SPOCK1: variants seen among roughly 807,000 people sequenced by gnomAD.
SPOCK1 encodes testican-1.
SPOCK1 carries 23 observed loss-of-function variants against 55.3 expected under a neutral mutation model. The observed-to-expected ratio is 0.42, with a 90% confidence interval of 0.30 to 0.59. The LOEUF is 0.59. Among genes scored for constraint, SPOCK1 ranks in the 20% least tolerant of loss-of-function variants. The probability of loss-of-function intolerance (pLI) is 0.22; values close to 1 mark genes in which losing one functional copy is unlikely to be tolerated. For synonymous variants in SPOCK1, 226 were observed against 221.0 expected (o/e 1.02, Z -0.20); for missense variants, 499 against 552.5 (o/e 0.90, Z 0.97).
At chr5:137,355,109 C>T (rs1750763729) in intron 2 of SPOCK1, among the ~76,000 whole-genome samples, 1 of 151,924 alleles carries the variant, frequency 6.6e-6, no homozygotes, top group Admixed American at 6.6e-5. Flanking sequence ...CACCATGTTG[C>T]CCAGGCTGGT....
intron 3 of SPOCK1, among the ~76,000 whole-genome samples, chr5:137,174,428 G>A (rs60606770): frequency 0.044 from 6,710 of 152,186 alleles, 499 homozygotes; most frequent in African/African-American, 0.15. Flanking sequence ...CTTTCCCTGA[G>A]GCTACAATTC....
chr5:137,464,007 T>G (rs1405971057), intron 2 of SPOCK1, among the ~76,000 whole-genome samples: 2 of 147,762 alleles, frequency 1.4e-5, no homozygotes, highest in African/African-American at 2.5e-5. Context: ...AAAGGATAAA[T>G]GCTTGAGAGG....
In SPOCK1 at chr5:137,140,678, C is replaced by T; in HGVS notation, c.249G>A (p.Lys83=). 6.2e-7 allele frequency: 1 copy of T among 1,612,906 alleles called. No individual in the cohort carries two copies. The highest frequency in any genetic ancestry group is 8.5e-7 in the Non-Finnish European group (1 of 1,179,574). ...KPFDQALDPS[K]DPCLKVKCSP... ...TGCATTTTACCTTCAGGCAGGGGTC[C>T]TTGGATGGGTCCAGGGCTGAGGCAA... The change falls in exon 4 of 11, where the codon AAG becomes AAA. Residue 83 remains lysine, a synonymous_variant. Coordinates refer to ENST00000394945, the MANE Select transcript of SPOCK1 (RefSeq NM_004598.4).
At chr5:137,282,641 G>C (rs996637975) in intron 2 of SPOCK1, among the ~76,000 whole-genome samples, 1 of 152,228 alleles carries the variant, frequency 6.6e-6, no homozygotes, top group Non-Finnish European at 1.5e-5. Context: ...GCCATTAAAG[G>C]TCCCTTCCTT....
chr5:137,425,541 C>T (rs1315348100), intron 2 of SPOCK1, among the ~76,000 whole-genome samples: 1 of 152,112 alleles, frequency 6.6e-6, no homozygotes, highest in East Asian at 1.9e-4. Flanking sequence ...TATAACACAG[C>T]ACTACAAAGA....
At chr5:137,094,642 T>C (rs1753109180) in intron 5 of SPOCK1, among the ~76,000 whole-genome samples, 1 of 152,190 alleles carries the variant, frequency 6.6e-6, no homozygotes. Flanking sequence ...TGGAGGGTCT[T>C]GCCCTGATAT....
At chr5:137,302,927 G>A (rs1005609738) in intron 2 of SPOCK1, among the ~76,000 whole-genome samples, 1 of 152,174 alleles carries the variant, frequency 6.6e-6, no homozygotes, top group African/African-American at 2.4e-5. Flanking sequence ...GCACAAAGTA[G>A]GGACTCAATA....
At chr5:137,443,220 T>G (rs1561537090) in intron 2 of SPOCK1, among the ~76,000 whole-genome samples, 3 of 152,180 alleles carry the variant, frequency 2.0e-5, no homozygotes, top group Admixed American at 6.5e-5. Flanking sequence ...GTTGCAGATT[T>G]ACAAAGTGAG....
intron 5 of SPOCK1, among the ~76,000 whole-genome samples, chr5:137,074,836 C>T (rs1434033383): frequency 6.6e-6 from 1 of 152,166 alleles, no homozygotes; most frequent in East Asian, 1.9e-4. Flanking sequence ...TCCCGAGTAG[C>T]TGGGACTACA....
chr5:137,114,027 T>A (rs993170910), intron 4 of SPOCK1, among the ~76,000 whole-genome samples: 5 of 152,076 alleles, frequency 3.3e-5, no homozygotes, highest in African/African-American at 1.2e-4. Flanking sequence ...TCTAGCAATT[T>A]GGGGGAGGTG....
chr5:137,454,484 C>T (rs1230185953), intron 2 of SPOCK1, among the ~76,000 whole-genome samples: 1 of 152,074 alleles, frequency 6.6e-6, no homozygotes, highest in Non-Finnish European at 1.5e-5. Flanking sequence ...CCTATAAATC[C>T]ATACAAGTCC....
chr5:137,428,904 G>A (rs1269207785), intron 2 of SPOCK1, among the ~76,000 whole-genome samples: 3 of 152,172 alleles, frequency 2.0e-5, no homozygotes, highest in African/African-American at 4.8e-5. Flanking sequence ...CAGCTCTCTC[G>A]CATGGACTGA....
At chr5:137,215,189 G>A (rs1755693278) in intron 3 of SPOCK1, among the ~76,000 whole-genome samples, 1 of 152,190 alleles carries the variant, frequency 6.6e-6, no homozygotes, top group Admixed American at 6.5e-5. Flanking sequence ...AGACATATGA[G>A]AAGGATGTTT....
chr5:137,298,027 T>C (rs1757521595), intron 2 of SPOCK1, among the ~76,000 whole-genome samples: 1 of 152,090 alleles, frequency 6.6e-6, no homozygotes, highest in Non-Finnish European at 1.5e-5. Context: ...GGCCCCAACC[T>C]CAGCTCACCC....
intron 3 of SPOCK1, among the ~76,000 whole-genome samples, chr5:137,157,090 G>T (rs1467429395): frequency 6.6e-6 from 1 of 152,044 alleles, no homozygotes; most frequent in Non-Finnish European, 1.5e-5. Flanking sequence ...ACACTCTGCT[G>T]CCCCGGTCCC....
At chr5:137,109,966 G>A (rs1410704065) in intron 5 of SPOCK1, among the ~76,000 whole-genome samples, 2 of 152,196 alleles carry the variant, frequency 1.3e-5, no homozygotes, top group Non-Finnish European at 2.9e-5. Flanking sequence ...AAGTGAGTAG[G>A]AATGGTGCCT....
intron 2 of SPOCK1, among the ~76,000 whole-genome samples, chr5:137,271,346 G>C (rs1040565848): frequency 6.7e-6 from 1 of 148,686 alleles, no homozygotes; most frequent in Non-Finnish European, 1.5e-5. Context: ...CAATGAAAAA[G>C]AAAATATGTT....
chr5:137,474,923 A>ACT (rs1753807029), intron 2 of SPOCK1, among the ~76,000 whole-genome samples: 2 of 152,228 alleles, frequency 1.3e-5, no homozygotes, highest in African/African-American at 2.4e-5. Context: ...AAGGACCATT[A>ACT]ATGCATGCTA....
chr5:137,372,200 G>A (rs1243490772), intron 2 of SPOCK1, among the ~76,000 whole-genome samples: 1 of 151,774 alleles, frequency 6.6e-6, no homozygotes, highest in Non-Finnish European at 1.5e-5. Context: ...GACTGTGTAG[G>A]TCTAAAGAAT....
Sources: gnomAD v4.1 joint callset for allele counts (sites outside exome capture counted in the v4.1 genomes callset) on GRCh38, gnomAD v4.1.1 for gene constraint, MANE v1.5 for transcripts, NCBI Gene and HGNC (gene_info 2026-07-23, HGNC 2026-07-21) for gene names.